The following ACYP2 variants were observed in gnomAD, a reference collection of about 807,000 sequenced individuals.
The protein encoded by ACYP2 is acylphosphatase-2.
A neutral mutation model predicts 11.2 loss-of-function variants in ACYP2; 12 were observed. The ratio of observed to expected loss-of-function variants is 1.08; its 90% confidence interval spans 0.69 to 1.74. The LOEUF (loss-of-function observed/expected upper bound fraction) is 1.74, where lower values mean the gene tolerates loss of function less well. Ranked by LOEUF, ACYP2 falls within the 40% of genes most tolerant of loss-of-function variation. ACYP2 has a pLI of 0.00. For synonymous variants in ACYP2, 43 were observed against 32.2 expected, an observed-to-expected ratio of 1.33 and a Z score of -1.13; for missense variants, 134 against 101.9, an observed-to-expected ratio of 1.31 and a Z score of -1.35.
At chr2:54,072,461 T>A (rs1677092683) in intron 4 of ACYP2, among the ~76,000 whole-genome samples, 1 of 136,330 alleles carries the variant, frequency 7.3e-6, no homozygotes, top group Non-Finnish European at 1.6e-5. Flanking sequence ...ATTCTTTCTT[T>A]CTTTCTTTTT....
intron 6 of ACYP2, chr2:54,167,028 G>A (rs970755310): frequency 6.7e-6 from 1 of 149,908 alleles, no homozygotes. Flanking sequence ...AATGCTTCAG[G>A]CAATTCCATT....
At chr2:54,198,200 C>T (rs1463776353) in intron 6 of ACYP2, among the ~76,000 whole-genome samples, 2 of 151,842 alleles carry the variant, frequency 1.3e-5, no homozygotes, top group African/African-American at 2.4e-5. Flanking sequence ...TTTATTTTTA[C>T]AGCATGGTTT....
intron 2 of ACYP2, among the ~76,000 whole-genome samples, chr2:54,037,521 C>T (rs1356150453): frequency 6.6e-6 from 1 of 152,060 alleles, no homozygotes; most frequent in Non-Finnish European, 1.5e-5. Context: ...AGCAATCCAA[C>T]CACCTCTGCC....
At chr2:54,057,592 A>G (rs1676225006) in intron 4 of ACYP2, among the ~76,000 whole-genome samples, 1 of 152,236 alleles carries the variant, frequency 6.6e-6, no homozygotes, top group African/African-American at 2.4e-5. Flanking sequence ...TCTGTCTACC[A>G]GAGAAGTACG....
intron 6 of ACYP2, among the ~76,000 whole-genome samples, chr2:54,301,386 T>C (rs1025814479): frequency 5.9e-5 from 9 of 152,096 alleles, no homozygotes; most frequent in African/African-American, 2.2e-4. Flanking sequence ...ACCCCCCAAT[T>C]CCCTTCTCCC....
At chr2:54,254,516 A>G (rs1488839460) in intron 6 of ACYP2, 1 of 178,180 alleles carries the variant, frequency 5.6e-6, no homozygotes, top group Non-Finnish European at 1.2e-5. Context: ...CAGGCCATGC[A>G]CCTGTACTGT....
At chr2:54,255,096 G>A in intron 6 of ACYP2, 1 of 1,614,154 alleles carries the variant, frequency 6.2e-7, no homozygotes. Flanking sequence ...CTGAAAACCA[G>A]GTGAAGAAGC....
intron 2 of ACYP2, among the ~76,000 whole-genome samples, chr2:53,975,758 G>T (rs1208998955): frequency 3.3e-5 from 5 of 152,124 alleles, no homozygotes; most frequent in African/African-American, 1.2e-4. Flanking sequence ...CTTAAACCCG[G>T]GAGGCAGAGG....
rs562851752 is a variant in ACYP2 at position 54,002,317 on chromosome 2, A to G, written c.62+28507A>G. Among the ~76,000 whole-genome samples the G allele has an allele frequency of 3.3e-5, 5 of 149,668 alleles. 1 individual carries two copies. Among genetic ancestry groups the G allele is most frequent in the South Asian group, 2.1e-4 (1 of 4,724 alleles). Reference sequence around the variant, plus strand: ...AGTAGTGTGTATTTACATTTCCTCTATGTCTTTTCATTACTTCATAGCTCA... The same window carrying G: ...AGTAGTGTGTATTTACATTTCCTCTGTGTCTTTTCATTACTTCATAGCTCA... On this transcript the variant is annotated intron_variant, in intron 2 of 6. Coordinates refer to ENST00000607452, the MANE Select transcript of ACYP2 (RefSeq NM_001320586.2).
At chr2:54,247,414 A>C (rs1284307388) in intron 6 of ACYP2, among the ~76,000 whole-genome samples, 1 of 152,222 alleles carries the variant, frequency 6.6e-6, no homozygotes, top group African/African-American at 2.4e-5. Flanking sequence ...CTGGAATTAA[A>C]GCAGAAAGCT....
intron 6 of ACYP2, among the ~76,000 whole-genome samples, chr2:54,244,283 C>G (rs1357451181): frequency 1.3e-5 from 2 of 152,158 alleles, no homozygotes; most frequent in Non-Finnish European, 2.9e-5. Context: ...TTCACTGCAA[C>G]CTCCGCCTCC....
intron 6 of ACYP2, chr2:54,255,878 G>T: frequency 6.2e-7 from 1 of 1,613,974 alleles, no homozygotes; most frequent in Non-Finnish European, 8.5e-7. Context: ...GCGGGTGGTG[G>T]AGTCACTTCC....
chr2:54,237,309 GTAT>G (rs1686528080), intron 6 of ACYP2, among the ~76,000 whole-genome samples: 10 of 151,266 alleles, frequency 6.6e-5, no homozygotes, highest in African/African-American at 2.4e-4. Flanking sequence ...ATCTCCTAAT[GTAT>G]TATTATAACT....
At chr2:54,167,849 T>G (rs771661006) in intron 6 of ACYP2, among the ~76,000 whole-genome samples, 3 of 152,156 alleles carry the variant, frequency 2.0e-5, no homozygotes, top group African/African-American at 7.2e-5. Flanking sequence ...TAATTGTTTA[T>G]CAGTCTGTGA....
In ACYP2 at chr2:54,304,981, A is replaced by C; in HGVS notation, c.*179A>C. On this transcript the variant is annotated 3_prime_UTR_variant, in exon 7 of 7. Transcript: ENST00000607452. The stretch of plus-strand genomic sequence containing the variant: ...AATAATTTTACTCAACTATGTTTTC[A>C]ACAAGCAAAAATATAGTATTCTAAG... 2 of 405,150 alleles carry C rather than the reference A, an allele frequency of 4.9e-6. No individual in the cohort carries two copies. The allele number at this position is 405,150 out of a possible 1,614,324, so 25.1% of individuals were successfully genotyped here. A position where few individuals can be genotyped will look rare whatever the true frequency, so the allele number is the denominator to read the frequency against.
At chr2:54,170,491 A>T (rs1320524758) in intron 6 of ACYP2, among the ~76,000 whole-genome samples, 1 of 151,866 alleles carries the variant, frequency 6.6e-6, no homozygotes, top group Non-Finnish European at 1.5e-5. Flanking sequence ...ACACTTGGTG[A>T]TACTTGGTTG....
chr2:54,274,693 A>C (rs970217347), intron 6 of ACYP2, among the ~76,000 whole-genome samples: 1 of 151,210 alleles, frequency 6.6e-6, no homozygotes, highest in Non-Finnish European at 1.5e-5. Flanking sequence ...GAAATTAAAC[A>C]TTTTTTATTG....
intron 2 of ACYP2, among the ~76,000 whole-genome samples, chr2:53,986,585 C>T (rs957356819): frequency 6.6e-6 from 1 of 151,494 alleles, no homozygotes; most frequent in Non-Finnish European, 1.5e-5. Flanking sequence ...GATCCTCGGC[C>T]TCCCAAAGTG....
At chr2:54,065,371 C>A in intron 4 of ACYP2, 1 of 397,088 alleles carries the variant, frequency 2.5e-6, no homozygotes, top group Non-Finnish European at 4.4e-6. Context: ...AATGGCTGAT[C>A]AAAATGATTT....
Sources: allele counts gnomAD v4.1 joint callset (sites outside exome capture counted in the v4.1 genomes callset), GRCh38; gene constraint gnomAD v4.1.1; transcripts MANE v1.5; gene names NCBI Gene and HGNC (gene_info 2026-07-23, HGNC 2026-07-21).